GNG7: variants seen among roughly 807,000 people sequenced by gnomAD.
The protein encoded by GNG7 is guanine nucleotide-binding protein G(I)/G(S)/G(O) subunit gamma-7.
In GNG7, 1 loss-of-function variant was observed where a neutral mutation model predicts 4.0. The ratio of observed to expected loss-of-function variants is 0.25; its 90% CI spans 0.09 to 1.18. The LOEUF (loss-of-function observed/expected upper bound fraction) is 1.18, where lower values mean the gene tolerates loss of function less well. GNG7 is among the 50% of genes most tolerant of loss of function. The pLI, the probability that GNG7 is intolerant of heterozygous loss-of-function variation, is 0.50. For synonymous variants in GNG7, 34 were observed against 36.9 expected, an observed-to-expected ratio of 0.92 and a Z score of 0.29; for missense variants, 86 against 91.9, an observed-to-expected ratio of 0.94 and a Z score of 0.26.
At chr19:2,553,480 ATATAT>A (rs538557775) in intron 3 of GNG7, among the ~76,000 whole-genome samples, 138 of 146,862 alleles carry the variant, frequency 9.4e-4, no homozygotes, top group African/African-American at 3.0e-3. Context: ...ATTATATACT[ATATAT>A]TATATTTTAT....
intron 2 of GNG7, among the ~76,000 whole-genome samples, chr19:2,597,511 C>G (rs1257798909): frequency 1.4e-5 from 2 of 147,416 alleles, no homozygotes; most frequent in East Asian, 4.1e-4. Flanking sequence ...GCAGGAGAAT[C>G]GCTTGAACCC....
At chr19:2,515,496 C>T (rs1027732310) in intron 4 of GNG7, among the ~76,000 whole-genome samples, 26 of 151,702 alleles carry the variant, frequency 1.7e-4, no homozygotes, top group Admixed American at 9.2e-4. Context: ...GGCACGATCT[C>T]GGCTCACTGC....
chr19:2,592,747 AGGGG>A (rs1980882413), intron 2 of GNG7, among the ~76,000 whole-genome samples: 1 of 10,738 alleles, frequency 9.3e-5, no homozygotes, highest in African/African-American at 3.3e-4. Flanking sequence ...AAGGAAGGGG[AGGGG>A]AGGGGAGGGG....
chr19:2,546,169 G>T lies in GNG7; in HGVS notation c.-38+8980C>A, dbSNP rs1444447177. Among the ~76,000 whole-genome samples, 1 of 152,220 alleles carries T rather than the reference G, an allele frequency of 6.6e-6. No homozygotes were observed. The highest frequency in any genetic ancestry group is 2.4e-5 in the African/African-American group (1 of 41,456). On this transcript the variant is annotated intron_variant, in intron 3 of 4. Transcript: ENST00000382159. This position sits in a 1 kb window ranked among gnomAD's most constrained non-coding sequence, Gnocchi z 6.3. Reference sequence around the variant, plus strand: ...CACGCAGAGCCCGGGGAGCCCGACTGAAATGGAAACTTCAATACAAGAGAC... The same window carrying T: ...CACGCAGAGCCCGGGGAGCCCGACTTAAATGGAAACTTCAATACAAGAGAC...
chr19:2,657,355 AAAAAAAATATAT>A (rs1387144199), intron 1 of GNG7, among the ~76,000 whole-genome samples: 2 of 19,158 alleles, frequency 1.0e-4, no homozygotes, highest in Non-Finnish European at 2.4e-4. Context: ...AAAAAAAAAA[AAAAAAAATATAT>A]ATATATATAT....
At chr19:2,589,371 C>CTTTTTTTTTTTTT (rs33940288) in intron 2 of GNG7, among the ~76,000 whole-genome samples, 17 of 100,574 alleles carry the variant, frequency 1.7e-4, no homozygotes, top group Non-Finnish European at 1.9e-4. Context: ...TACAGGTGCA[C>CTTTTTTTTTTTTT]TTTTTTTTTT....
In GNG7 at chr19:2,515,091, G is replaced by C. The variant is rs150864199; in HGVS notation, c.138C>G (p.Asp46Glu). The change falls in exon 5 of 5, where the codon GAC becomes GAG. Residue 46 changes from aspartate (D) to glutamate (E), a missense_variant. Transcript: ENST00000382159. ...MSYCEQHARN[D>E]PLLVGVPASE... ...AGGCAGGGACTCCGACCAGCAGGGG[G>C]TCGTTCCGGGCATGTTGCTCACAGT... 1 of 1,613,862 alleles carries C rather than the reference G, an allele frequency of 6.2e-7. No homozygotes were observed. The highest frequency in any genetic ancestry group is 8.5e-7 in the Non-Finnish European group (1 of 1,179,920).
chr19:2,540,048 CCCTCCCTT>C (rs1228139306), intron 3 of GNG7, among the ~76,000 whole-genome samples: 9 of 119,540 alleles, frequency 7.5e-5, no homozygotes, highest in African/African-American at 2.8e-4. Flanking sequence ...CTCCCTCCCT[CCCTCCCTT>C]CCTTCCCTCC....
rs33940288 is a variant in GNG7 at position 2,589,371 on chromosome 19, C to CTTTTTT, written c.-77-34189_-77-34184dup. 3.6e-3 allele frequency among the ~76,000 whole-genome samples: 357 copies of CTTTTTT among 100,554 alleles called. 5 individuals carry two copies. The highest frequency in any genetic ancestry group is 0.014 in the Middle Eastern group (2 of 144). 66.0% of individuals were successfully genotyped at this position (100,554 alleles called of 152,430 possible). ...CCAGGTAGCTGGGACTACAGGTGCACTTTTTTTTTTTTTTTTTTTTTTTTA... is the reference window on the plus strand; with the variant it reads ...CCAGGTAGCTGGGACTACAGGTGCACTTTTTTTTTTTTTTTTTTTTTTTTTTTTTTA... On this transcript the variant is annotated intron_variant, in intron 2 of 4. Coordinates refer to ENST00000382159, the MANE Select transcript of GNG7 (RefSeq NM_052847.3).
At chr19:2,681,247 G>A (rs141557449) in intron 1 of GNG7, among the ~76,000 whole-genome samples, 1,558 of 151,616 alleles carry the variant, frequency 0.01, 25 homozygotes, top group African/African-American at 0.036. Flanking sequence ...GCAGTGGCAC[G>A]ATCTCGGCTC....
intron 2 of GNG7, among the ~76,000 whole-genome samples, chr19:2,619,618 G>A (rs1981812695): frequency 6.6e-6 from 1 of 152,214 alleles, no homozygotes; most frequent in African/African-American, 2.4e-5. Context: ...GCCGGCCACA[G>A]TGTGGATGGA....
intron 1 of GNG7, among the ~76,000 whole-genome samples, chr19:2,693,650 G>A (rs766077802): frequency 1.3e-4 from 20 of 152,042 alleles, no homozygotes; most frequent in Non-Finnish European, 2.1e-4. Flanking sequence ...ACTGCAGGGC[G>A]CTGAGCAGTG....
intron 4 of GNG7, among the ~76,000 whole-genome samples, chr19:2,518,047 G>A (rs1978291678): frequency 6.6e-6 from 1 of 152,206 alleles, no homozygotes; most frequent in South Asian, 2.1e-4. Flanking sequence ...GACAGAAATA[G>A]CCTCCAGACC....
chr19:2,677,556 G>A (rs1043167098), intron 1 of GNG7, among the ~76,000 whole-genome samples: 3 of 151,938 alleles, frequency 2.0e-5, no homozygotes, highest in Non-Finnish European at 2.9e-5. Flanking sequence ...AAAAATTCCC[G>A]ATGGGGTGGA....
intron 3 of GNG7, among the ~76,000 whole-genome samples, chr19:2,524,266 C>T (rs532054494): frequency 3.3e-5 from 5 of 152,294 alleles, no homozygotes; most frequent in Admixed American, 2.6e-4. Context: ...AAATTCCCTG[C>T]GAGATGCTGC....
chr19:2,598,505 A>G, intron 2 of GNG7, among the ~76,000 whole-genome samples: 2 of 148,674 alleles, frequency 1.3e-5, no homozygotes, highest in African/African-American at 2.5e-5. Flanking sequence ...AAAATACAAA[A>G]AATTAGCTGG....
intron 2 of GNG7, among the ~76,000 whole-genome samples, chr19:2,593,659 G>A (rs143910082): frequency 4.5e-4 from 68 of 151,626 alleles, no homozygotes; most frequent in African/African-American, 1.4e-3. Context: ...CAGGAGAATC[G>A]CTTGAACCTG....
chr19:2,683,153 C>T (rs1444018807), intron 1 of GNG7, among the ~76,000 whole-genome samples: 11 of 151,964 alleles, frequency 7.2e-5, no homozygotes, highest in African/African-American at 2.4e-4. Context: ...GCACGAGAAT[C>T]GCTTGAACCC....
In GNG7 at chr19:2,611,356, T is replaced by A. The variant is rs11084948; in HGVS notation, c.-78+34868A>T. 0.77 allele frequency: 117,552 copies of A among 152,208 alleles called. 45,553 individuals are homozygous for A. Among genetic ancestry groups the A allele is most frequent in the Middle Eastern group, 0.84 (250 of 296 alleles). The allele number at this position is 152,208 out of a possible 1,614,324, so 9.4% of individuals were successfully genotyped here. A position where few individuals can be genotyped will look rare whatever the true frequency, so the allele number is the denominator to read the frequency against. ...CCAGGACAGGTCTCCCGGGAGCTGGTCTGTGCTGCCACCTGCTGGTCATGG... is the reference window on the plus strand; with the variant it reads ...CCAGGACAGGTCTCCCGGGAGCTGGACTGTGCTGCCACCTGCTGGTCATGG... On this transcript the variant is annotated intron_variant, in intron 2 of 4. Coordinates refer to ENST00000382159, the MANE Select transcript of GNG7 (RefSeq NM_052847.3). This position sits in a 1 kb window ranked among gnomAD's most constrained non-coding sequence, Gnocchi z 6.0.
Sources: gnomAD v4.1 joint callset for allele counts (sites outside exome capture counted in the v4.1 genomes callset) on GRCh38, gnomAD v4.1.1 for gene constraint, Gnocchi (gnomAD v3.1) non-coding constraint, MANE v1.5 for transcripts, NCBI Gene and HGNC (gene_info 2026-07-23, HGNC 2026-07-21) for gene names.